The following PIWIL1 variants were observed in gnomAD, a reference collection of about 807,000 sequenced individuals.
PIWIL1 encodes the protein piwi-like protein 1.
In PIWIL1, 73 loss-of-function variants were observed where a neutral mutation model predicts 114.4. The ratio of observed to expected loss-of-function variants is 0.64; its 90% CI spans 0.53 to 0.78. PIWIL1 has a LOEUF of 0.78. Ranked by LOEUF, PIWIL1 falls within the 30% of genes least tolerant of loss-of-function variation. The pLI is 0.00. For synonymous variants in PIWIL1, 375 were observed against 369.0 expected, an observed-to-expected ratio of 1.02 and a Z score of -0.19; for missense variants, 723 against 1,063.1, an observed-to-expected ratio of 0.68 and a Z score of 4.45.
chr12:130,424,844 A>G, the PIWIL1 span: 91 of 1,232,392 alleles, frequency 7.4e-5, no homozygotes, highest in Non-Finnish European at 8.6e-5. The surrounding 1 kb of genome is among the most constrained non-coding windows in gnomAD (Gnocchi z 9.8). Context: ...CCGAGGTCCT[A>G]TGGTCAGTGC....
intron 3 of PIWIL1, among the ~76,000 whole-genome samples, chr12:130,344,521 A>G (rs2073016358): frequency 6.6e-6 from 1 of 152,218 alleles, no homozygotes; most frequent in African/African-American, 2.4e-5. Flanking sequence ...TGACACTCAT[A>G]TTAAATAACT....
At chr12:130,367,402 C>A in intron 19 of PIWIL1, 144 bp downstream of exon 19, 1 of 789,918 alleles carries the variant, frequency 1.3e-6, no homozygotes, top group Non-Finnish European at 1.9e-6. Flanking sequence ...CTAATTTGGT[C>A]AAACATAATT....
chr12:130,346,990 C>T lies in PIWIL1; in HGVS notation c.581C>T (p.Thr194Met), dbSNP rs755410536. The T allele has an allele frequency of 9.3e-6, 15 of 1,613,674 alleles. No homozygotes were observed. Among genetic ancestry groups the T allele is most frequent in the Admixed American group, 3.3e-5 (2 of 60,002 alleles). ...CGGAATGGAGAGGATGTGAGGATAA[C>T]GATCACTTTAACAAATGAACTTCCA... is the stretch of plus-strand genomic sequence containing the variant. ...KTRNGEDVRI[T>M]ITLTNELPPT... is the part of the protein sequence containing the mutation. The change falls in exon 6 of 21, where the codon ACG (threonine) becomes ATG (methionine). Residue 194 changes from threonine to methionine, a missense_variant. Around this residue, in one of 8 missense-constraint regions of PIWIL1, gnomAD observed 190 missense variants for 294.4 expected, o/e 0.65. Coordinates refer to ENST00000245255, the MANE Select transcript of PIWIL1 (RefSeq NM_004764.5).
chr12:130,421,469 C>T, the PIWIL1 span, among the ~76,000 whole-genome samples: 1 of 152,316 alleles, frequency 6.6e-6, no homozygotes, highest in African/African-American at 2.4e-5. Flanking sequence ...TGGCAGGACA[C>T]AATTTCAAAG....
At chr12:130,365,171 G>A (rs2073620782) in intron 18 of PIWIL1, among the ~76,000 whole-genome samples, 1 of 152,204 alleles carries the variant, frequency 6.6e-6, no homozygotes, top group Non-Finnish European at 1.5e-5. Context: ...CAGGGAAGGA[G>A]AACCTAAGTC....
rs1019939983 is a variant in PIWIL1 at position 130,361,233 on chromosome 12, A to G, written c.1719A>G (p.Lys573=). The change falls in exon 15 of 21, where the codon AAA becomes AAG. Residue 573 remains lysine (K), a synonymous_variant. Transcript: ENST00000245255. ...AGGACAAATACGATGCTATTAAAAAATACCTGTGTACAGATTGCCCTACCC... is the reference window on the plus strand; with the variant it reads ...AGGACAAATACGATGCTATTAAAAAGTACCTGTGTACAGATTGCCCTACCC... ...NRKDKYDAIK[K]YLCTDCPTPS... 3.1e-6 allele frequency: 5 copies of G among 1,614,094 alleles called. No homozygotes were observed. The highest frequency in any genetic ancestry group is 3.3e-5 in the Admixed American group (2 of 60,006).
At chr12:130,345,011 C>T (rs1480355560) in intron 3 of PIWIL1, among the ~76,000 whole-genome samples, 1 of 152,168 alleles carries the variant, frequency 6.6e-6, no homozygotes, top group Non-Finnish European at 1.5e-5. Context: ...TAATTGACAG[C>T]TGGAATTTTA....
At chr12:130,419,449 C>T in the PIWIL1 span, 1 of 152,190 alleles carries the variant, frequency 6.6e-6, no homozygotes, top group Non-Finnish European at 1.5e-5. The surrounding 1 kb of genome is among the most constrained non-coding windows in gnomAD (Gnocchi z 4.3). Flanking sequence ...ACTACCTGGC[C>T]CAGACCGACT....
At chr12:130,412,614 C>T in the PIWIL1 span, 15 of 1,613,282 alleles carry the variant, frequency 9.3e-6, no homozygotes, top group Non-Finnish European at 1.3e-5. Flanking sequence ...GGGGTTTGCG[C>T]TTACCTATTT....
the PIWIL1 span, chr12:130,399,956 A>C: frequency 5.4e-6 from 5 of 932,928 alleles, no homozygotes; most frequent in Non-Finnish European, 7.8e-6. Flanking sequence ...AAAGGACTCT[A>C]AATCAGGGTT....
chr12:130,376,870 T>C (rs746976875), downstream of PIWIL1, among the ~76,000 whole-genome samples: 1 of 152,112 alleles, frequency 6.6e-6, no homozygotes, highest in Non-Finnish European at 1.5e-5. Context: ...CGTTGCCAGG[T>C]TCCCATGTTG....
Position 130,367,277 on chromosome 12 carries a change from G to A in PIWIL1, c.2321+19G>A, listed in dbSNP as rs1188545542. The stretch of plus-strand genomic sequence containing the variant: ...CAGAATGGTAAGTTCCATGTGATGA[G>A]CTGAAGGTTGTTTTCTCCTTGGTGG... On this transcript the variant is annotated intron_variant, in intron 19 of 20. Coordinates refer to ENST00000245255, the MANE Select transcript of PIWIL1 (RefSeq NM_004764.5). 1.3e-6 allele frequency: 2 copies of A among 1,597,880 alleles called. No individual in the cohort carries two copies. Among genetic ancestry groups the A allele is most frequent in the African/African-American group, 2.7e-5 (2 of 74,648 alleles).
intron 18 of PIWIL1, among the ~76,000 whole-genome samples, chr12:130,363,612 C>CTTTTTTTTTTTTTTTTTTTTTT (rs34198016): frequency 1.2e-5 from 1 of 82,382 alleles, no homozygotes; most frequent in Non-Finnish European, 2.1e-5. Flanking sequence ...TACTTTCTCC[C>CTTTTTTTTTTTTTTTTTTTTTT]TTTTTTTTTT....
At chr12:130,338,315 C>T (rs1289009103) in intron 1 of PIWIL1, 169 bp downstream of exon 1, 323 of 188,332 alleles carry the variant, frequency 1.7e-3, no homozygotes, top group Admixed American at 2.4e-3. Context: ...GTCCCAGGTG[C>T]GGGAGATGCA....
At chr12:130,397,217 G>A in the PIWIL1 span, 1 of 387,866 alleles carries the variant, frequency 2.6e-6, no homozygotes, top group Middle Eastern at 6.5e-4. Context: ...TTGGTTTAAA[G>A]TGGTTGGTAG....
chr12:130,343,314 A>C (rs2072976583), intron 3 of PIWIL1, among the ~76,000 whole-genome samples: 1 of 152,214 alleles, frequency 6.6e-6, no homozygotes, highest in African/African-American at 2.4e-5. Flanking sequence ...AATGACTTAA[A>C]AAAATGGTTA....
the PIWIL1 span, among the ~76,000 whole-genome samples, chr12:130,408,820 C>T: frequency 3.8e-3 from 575 of 152,340 alleles, 3 homozygotes; most frequent in African/African-American, 0.013. Flanking sequence ...AGGCAAATAT[C>T]TCAACGGCAA....
At chr12:130,414,099 GC>G in the PIWIL1 span, 1 of 1,612,998 alleles carries the variant, frequency 6.2e-7, no homozygotes, top group Non-Finnish European at 8.5e-7. Flanking sequence ...GGCTGATGAA[GC>G]CGCCCGCAGG....
At chr12:130,391,341 C>T in the PIWIL1 span, among the ~76,000 whole-genome samples, 2 of 152,210 alleles carry the variant, frequency 1.3e-5, no homozygotes, top group Non-Finnish European at 2.9e-5. Context: ...TTTTCCCTCA[C>T]AGTGTGTGGA....
Sources: gnomAD v4.1 joint callset for allele counts (sites outside exome capture counted in the v4.1 genomes callset) on GRCh38, gnomAD v4.1.1 for gene constraint, gnomAD v4.1.1 regional missense constraint, Gnocchi (gnomAD v3.1) non-coding constraint, MANE v1.5 for transcripts, NCBI Gene and HGNC (gene_info 2026-07-23, HGNC 2026-07-21) for gene names.